Variants in VPS37A observed in about 807,000 individuals in gnomAD.
VPS37A encodes vacuolar protein sorting-associated protein 37A.
VPS37A carries 30 observed loss-of-function variants against 49.8 expected under a neutral mutation model. The observed-to-expected ratio is 0.60, with a 90% CI of 0.45 to 0.82. The LOEUF (loss-of-function observed/expected upper bound fraction) is 0.82. VPS37A is among the 40% of genes least tolerant of loss of function. VPS37A has a pLI of 0.00. For synonymous variants in VPS37A, 195 were observed against 160.6 expected (o/e 1.21, Z -1.62); for missense variants, 593 against 464.4 (o/e 1.28, Z -2.55).
intron 6 of VPS37A, 55 bp downstream of exon 6, chr8:17,276,522 CCAGATTATT>C: frequency 6.7e-7 from 1 of 1,490,360 alleles, no homozygotes; most frequent in Non-Finnish European, 9.2e-7. Context: ...TAAGCATAAA[CCAGATTATT>C]ATTTCATATC....
chr8:17,291,491 C>G (rs148193509), intron 11 of VPS37A, among the ~76,000 whole-genome samples: 11,743 of 133,558 alleles, frequency 0.088, 625 homozygotes, highest in South Asian at 0.21. Flanking sequence ...CTGCTCTGAT[C>G]TTGGTTATTT....
the VPS37A span, among the ~76,000 whole-genome samples, chr8:17,309,669 A>G: frequency 4.6e-5 from 7 of 152,302 alleles, no homozygotes; most frequent in South Asian, 1.2e-3. Context: ...AAACCGAAGG[A>G]AAGAGGTTTC....
At chr8:17,268,184 G>A in intron 2 of VPS37A, 74 bp from the exon 3 acceptor site, 1 of 1,026,410 alleles carries the variant, frequency 9.7e-7, no homozygotes, top group Non-Finnish European at 1.5e-6. Context: ...AAATAGCTTT[G>A]TTTTAAGATT....
chr8:17,250,286 GT>G (rs1422759019), intron 1 of VPS37A, among the ~76,000 whole-genome samples: 1 of 151,612 alleles, frequency 6.6e-6, no homozygotes, highest in East Asian at 1.9e-4. Context: ...TTGGGGTATT[GT>G]TTTCTGAGCC....
the VPS37A span, among the ~76,000 whole-genome samples, chr8:17,323,871 C>G: frequency 3.9e-5 from 6 of 152,256 alleles, no homozygotes; most frequent in African/African-American, 1.4e-4. Flanking sequence ...TTGAAGCTCT[C>G]CTAGTTCTCT....
At chr8:17,263,171 T>C (rs1221207057) in intron 1 of VPS37A, among the ~76,000 whole-genome samples, 1 of 152,190 alleles carries the variant, frequency 6.6e-6, no homozygotes, top group Non-Finnish European at 1.5e-5. Context: ...TAATTATATT[T>C]TTATTTTAAA....
downstream of VPS37A, chr8:17,302,127 T>C (rs745761036): frequency 1.5e-5 from 24 of 1,613,602 alleles, no homozygotes; most frequent in South Asian, 8.8e-5. Context: ...GCACAGAAAA[T>C]AGATTAACAA....
intron 1 of VPS37A, among the ~76,000 whole-genome samples, chr8:17,251,300 G>C (rs1241101805): frequency 1.3e-5 from 2 of 152,182 alleles, no homozygotes; most frequent in South Asian, 2.1e-4. Context: ...AGGAAGAAAT[G>C]TCTCATGTTT....
downstream of VPS37A, chr8:17,300,331 GA>G: frequency 8.1e-7 from 1 of 1,227,438 alleles, no homozygotes; most frequent in East Asian, 2.5e-5. Context: ...ATAATGTTAA[GA>G]ACATGTGACT....
the VPS37A span, among the ~76,000 whole-genome samples, chr8:17,310,660 C>A: frequency 1.3e-5 from 2 of 152,168 alleles, no homozygotes; most frequent in African/African-American, 4.8e-5. Context: ...AGTTCTCAGA[C>A]ACTTCCAAAA....
the VPS37A span, among the ~76,000 whole-genome samples, chr8:17,316,835 G>A: frequency 6.6e-6 from 1 of 152,030 alleles, no homozygotes; most frequent in Non-Finnish European, 1.5e-5. Context: ...AGGGACTTCT[G>A]CGTGTGTGGA....
chr8:17,247,599 T>G, intron 1 of VPS37A: 1 of 710,798 alleles, frequency 1.4e-6, no homozygotes, highest in Non-Finnish European at 2.5e-6. Flanking sequence ...AACTCGGATT[T>G]CCTCATCCCT....
chr8:17,291,009 C>T (rs1816088823), intron 11 of VPS37A, among the ~76,000 whole-genome samples: 1 of 151,510 alleles, frequency 6.6e-6, no homozygotes, highest in African/African-American at 2.4e-5. Flanking sequence ...CGGTGGTGAT[C>T]TTTTTTTTGT....
intron 11 of VPS37A, among the ~76,000 whole-genome samples, chr8:17,291,205 G>C (rs1447906407): frequency 1.3e-5 from 2 of 152,108 alleles, no homozygotes; most frequent in African/African-American, 4.8e-5. Flanking sequence ...TAGAGATGGG[G>C]TTTCACCATG....
At chr8:17,294,769 A>T (rs1009625441) in intron 11 of VPS37A, among the ~76,000 whole-genome samples, 9 of 152,082 alleles carry the variant, frequency 5.9e-5, no homozygotes, top group African/African-American at 2.2e-4. Context: ...CCCACTGTCT[A>T]ACCAGTCCCA....
At position 17,284,605 on chromosome 8, in the gene VPS37A, G is replaced by C. The variant is rs549185398; in HGVS notation, c.1102G>C (p.Glu368Gln). The change falls in exon 10 of 12, where the codon GAA (glutamate) becomes CAA (glutamine). Residue 368 changes from glutamate to glutamine, a missense_variant. Transcript: ENST00000324849. ...EIDDFLSSFM[E>Q]KRTICHCRRA... ...AGATGATTTTCTCAGTAGCTTCATG[G>C]AAAAGAGAACAGTATGTAATACTCG... 6.2e-7 allele frequency: 1 copy of C among 1,600,168 alleles called. No homozygotes were observed. Among genetic ancestry groups the C allele is most frequent in the South Asian group, 1.1e-5 (1 of 88,088 alleles).
intron 9 of VPS37A, among the ~76,000 whole-genome samples, chr8:17,281,318 G>T (rs988445932): frequency 1.3e-5 from 2 of 151,914 alleles, no homozygotes; most frequent in African/African-American, 4.8e-5. Context: ...ATTTCTTGAG[G>T]TCATACAAGT....
At chr8:17,248,861 T>C (rs1811716986) in intron 1 of VPS37A, among the ~76,000 whole-genome samples, 1 of 152,194 alleles carries the variant, frequency 6.6e-6, no homozygotes, top group African/African-American at 2.4e-5. Flanking sequence ...GTGGCTTTCA[T>C]TCTGGAAAAT....
chr8:17,330,418 C>T, the VPS37A span, among the ~76,000 whole-genome samples: 4 of 152,288 alleles, frequency 2.6e-5, no homozygotes, highest in East Asian at 3.9e-4. Context: ...TTCGCAGAGC[C>T]GGAAGTGGTA....
Sources: allele counts gnomAD v4.1 joint callset (sites outside exome capture counted in the v4.1 genomes callset), GRCh38; gene constraint gnomAD v4.1.1; transcripts MANE v1.5; gene names NCBI Gene and HGNC (gene_info 2026-07-23, HGNC 2026-07-21).